BCKDHB: variants seen among roughly 807,000 people sequenced by gnomAD.
BCKDHB encodes branched chain keto acid dehydrogenase E1 subunit beta, also known as 2-oxoisovalerate dehydrogenase subunit beta, mitochondrial.
In BCKDHB, 41 loss-of-function variants were observed where a neutral mutation model predicts 48.5. That is an observed-to-expected ratio of 0.85 (90% confidence interval 0.66 to 1.10). The LOEUF is 1.10. Ranked by LOEUF, BCKDHB falls within the 50% of genes least tolerant of loss-of-function variation. The pLI, the probability that BCKDHB is intolerant of heterozygous loss-of-function variation, is 0.00. For synonymous variants in BCKDHB, 201 were observed against 174.8 expected, an observed-to-expected ratio of 1.15 and a Z score of -1.18; for missense variants, 496 against 494.2, an observed-to-expected ratio of 1.00 and a Z score of -0.03.
rs78446949 is a variant in BCKDHB at position 80,251,346 on chromosome 6, A to G, written c.952-21789A>G. On this transcript the variant is annotated intron_variant, in intron 8 of 9. Coordinates refer to ENST00000320393, the MANE Select transcript of BCKDHB (RefSeq NM_183050.4). ...GCAAATGGAGCAAATTACTTAATTGACATTTTACAATTAGGTATTAAAGCA... is the reference window on the plus strand; with the variant it reads ...GCAAATGGAGCAAATTACTTAATTGGCATTTTACAATTAGGTATTAAAGCA... 2.7e-3 allele frequency among the ~76,000 whole-genome samples: 414 copies of G among 152,310 alleles called. 1 individual carries two copies. Among genetic ancestry groups the G allele is most frequent in the Non-Finnish European group, 4.7e-3 (320 of 68,026 alleles).
chr6:80,364,006 G>A, the BCKDHB span, among the ~76,000 whole-genome samples: 2 of 152,216 alleles, frequency 1.3e-5, no homozygotes, highest in East Asian at 3.8e-4. Flanking sequence ...ATGCAAGGCA[G>A]TGGGGTAAAA....
intron 9 of BCKDHB, among the ~76,000 whole-genome samples, chr6:80,341,179 T>C (rs1393777423): frequency 6.6e-6 from 1 of 152,194 alleles, no homozygotes; most frequent in Non-Finnish European, 1.5e-5. Context: ...TATATACTTA[T>C]AATAGCGTAT....
intron 3 of BCKDHB, among the ~76,000 whole-genome samples, chr6:80,147,970 A>T (rs1335935992): frequency 6.6e-6 from 1 of 152,108 alleles, no homozygotes; most frequent in Non-Finnish European, 1.5e-5. Context: ...CATTGAATGA[A>T]ATTCCTGTTG....
chr6:80,218,567 A>T (rs576867514), intron 8 of BCKDHB, among the ~76,000 whole-genome samples: 1 of 152,020 alleles, frequency 6.6e-6, no homozygotes, highest in Non-Finnish European at 1.5e-5. Flanking sequence ...TCTTCATCTC[A>T]TATTTCCTCA....
chr6:80,121,982 G>T (rs576459924), intron 1 of BCKDHB, among the ~76,000 whole-genome samples: 1 of 152,292 alleles, frequency 6.6e-6, no homozygotes, highest in South Asian at 2.1e-4. Flanking sequence ...GATATCGGCT[G>T]TGGGTTTGTC....
At chr6:80,444,935 C>A in the BCKDHB span, among the ~76,000 whole-genome samples, 1 of 152,100 alleles carries the variant, frequency 6.6e-6, no homozygotes, top group Non-Finnish European at 1.5e-5. Flanking sequence ...ATTTTTCTTT[C>A]CTTCCTGATA....
chr6:80,337,963 T>G (rs1261161629), intron 9 of BCKDHB, among the ~76,000 whole-genome samples: 1 of 152,186 alleles, frequency 6.6e-6, no homozygotes, highest in Non-Finnish European at 1.5e-5. Context: ...GAAAGGAAAT[T>G]TATCAGTCTA....
At chr6:80,397,446 C>T in the BCKDHB span, among the ~76,000 whole-genome samples, 1 of 152,098 alleles carries the variant, frequency 6.6e-6, no homozygotes, top group Non-Finnish European at 1.5e-5. Context: ...AATTATTTAA[C>T]AGAGATATCA....
chr6:80,288,227 C>T (rs1235897501), intron 9 of BCKDHB, among the ~76,000 whole-genome samples: 2 of 151,920 alleles, frequency 1.3e-5, no homozygotes, highest in African/African-American at 4.8e-5. Flanking sequence ...CTATTAATAA[C>T]AACTTTTAAA....
chr6:80,145,596 G>T (rs556456366), intron 3 of BCKDHB, among the ~76,000 whole-genome samples: 33 of 152,120 alleles, frequency 2.2e-4, no homozygotes, highest in Admixed American at 3.9e-4. Flanking sequence ...ATTTAGTTGG[G>T]TCAGTTTTAT....
At position 80,163,261 on chromosome 6, in the gene BCKDHB, A is replaced by C. The variant is rs186355042; in HGVS notation, c.344-4417A>C. Among the ~76,000 whole-genome samples, 508 of 150,704 alleles carry C rather than the reference A, an allele frequency of 3.4e-3. 2 individuals are homozygous for C. The highest frequency in any genetic ancestry group is 3.8e-3 in the Non-Finnish European group (261 of 67,844). On this transcript the variant is annotated intron_variant, in intron 3 of 9. Coordinates refer to ENST00000320393, the MANE Select transcript of BCKDHB (RefSeq NM_183050.4). ...ATAATTGTCACTACTCATTGTCTTC[A>C]ATTTCTCTGCTTCTATTCTCTATTC...
At chr6:80,436,220 G>A in the BCKDHB span, among the ~76,000 whole-genome samples, 1 of 135,640 alleles carries the variant, frequency 7.4e-6, no homozygotes, top group Non-Finnish European at 1.5e-5. Flanking sequence ...GTGCAGTGGC[G>A]CGATCTTGGC....
chr6:80,133,219 G>C (rs1039842732), intron 3 of BCKDHB, among the ~76,000 whole-genome samples: 6 of 152,214 alleles, frequency 3.9e-5, no homozygotes, highest in African/African-American at 1.4e-4. Flanking sequence ...TATTCCATCA[G>C]AAGGCGGAAT....
At chr6:80,386,087 G>A in the BCKDHB span, among the ~76,000 whole-genome samples, 1 of 152,172 alleles carries the variant, frequency 6.6e-6, no homozygotes, top group Non-Finnish European at 1.5e-5. Flanking sequence ...TTGGGATGGT[G>A]GAGTGGATTA....
At chr6:80,156,289 T>C (rs1185454821) in intron 3 of BCKDHB, among the ~76,000 whole-genome samples, 1 of 151,908 alleles carries the variant, frequency 6.6e-6, no homozygotes, top group Non-Finnish European at 1.5e-5. Context: ...GTGTTTATTA[T>C]TGTGTTCATG....
the BCKDHB span, among the ~76,000 whole-genome samples, chr6:80,434,722 G>A: frequency 6.6e-6 from 1 of 152,048 alleles, no homozygotes; most frequent in African/African-American, 2.4e-5. Context: ...TGCTCCTAAG[G>A]CAGTACCTTC....
rs1774482682 is a variant in BCKDHB at position 80,203,226 on chromosome 6, G to A, written c.951+14G>A. 1 of 1,528,694 alleles carries A rather than the reference G, an allele frequency of 6.5e-7. No homozygotes were observed. The highest frequency in any genetic ancestry group is 9.1e-7 in the Non-Finnish European group (1 of 1,102,644). 94.7% of individuals were successfully genotyped at this position (1,528,694 alleles called of 1,614,324 possible). On this transcript the variant is annotated intron_variant, in intron 8 of 9. Transcript: ENST00000320393. ...ACAATTTGTAAGGTATGAATATAAT[G>A]GTGATAGAATGTCATTTCCCTGAAA...
the BCKDHB span, among the ~76,000 whole-genome samples, chr6:80,439,863 G>A: frequency 6.6e-6 from 1 of 152,220 alleles, no homozygotes; most frequent in South Asian, 2.1e-4. Context: ...TGTCTTGCTG[G>A]CACAATGAAC....
chr6:80,291,198 CT>C (rs1266034382), intron 9 of BCKDHB, among the ~76,000 whole-genome samples: 1 of 152,076 alleles, frequency 6.6e-6, no homozygotes, highest in Non-Finnish European at 1.5e-5. Context: ...TTTGACATTT[CT>C]CCCCTCCCTT....
Sources: allele counts gnomAD v4.1 joint callset (sites outside exome capture counted in the v4.1 genomes callset), GRCh38; gene constraint gnomAD v4.1.1; transcripts MANE v1.5; gene names NCBI Gene and HGNC (gene_info 2026-07-23, HGNC 2026-07-21).